Variants in DLST observed in about 807,000 individuals in gnomAD.
The protein encoded by DLST is dihydrolipoamide S-succinyltransferase.
In DLST, 17 loss-of-function variants were observed where a neutral mutation model predicts 53.1. The observed-to-expected ratio is 0.32, with a 90% CI of 0.22 to 0.48. The LOEUF (loss-of-function observed/expected upper bound fraction) is 0.48, where lower values mean the gene tolerates loss of function less well. Among genes scored for constraint, DLST ranks in the 20% least tolerant of loss-of-function variants. The probability of loss-of-function intolerance (pLI) is 0.99; values close to 1 mark genes in which losing one functional copy is unlikely to be tolerated. For synonymous variants in DLST, 206 were observed against 204.8 expected (o/e 1.01, Z -0.05); for missense variants, 512 against 583.9 (o/e 0.88, Z 1.27).
intron 10 of DLST, among the ~76,000 whole-genome samples, chr14:74,896,248 A>C (rs1314316213): frequency 1.3e-5 from 2 of 152,242 alleles, no homozygotes; most frequent in Non-Finnish European, 2.9e-5. Context: ...AGTGTAGACC[A>C]TGAGATGGGA....
intron 10 of DLST, among the ~76,000 whole-genome samples, chr14:74,896,564 G>T (rs183626664): frequency 6.6e-6 from 1 of 152,184 alleles, no homozygotes; most frequent in Non-Finnish European, 1.5e-5. Flanking sequence ...TCAGAGTAGG[G>T]CTCTGTGACC....
At chr14:74,885,815 A>G in intron 3 of DLST, 181 bp downstream of exon 3, 1 of 581,590 alleles carries the variant, frequency 1.7e-6, no homozygotes, top group South Asian at 2.3e-5. Flanking sequence ...CTTGAGCATC[A>G]GCTCCGTGTC....
Position 74,893,440 on chromosome 14 carries a change from C to G in DLST, c.672+16C>G. Reference sequence around the variant, plus strand: ...AGAACATCGGGTAAGCCTCTGAGGACCACTTTCAGGAAAGAGGCAGGGGGC... The same window carrying G: ...AGAACATCGGGTAAGCCTCTGAGGAGCACTTTCAGGAAAGAGGCAGGGGGC... On this transcript the variant is annotated intron_variant, in intron 9 of 14. Coordinates refer to ENST00000334220, the MANE Select transcript of DLST (RefSeq NM_001933.5). 6.2e-7 allele frequency: 1 copy of G among 1,614,106 alleles called. No homozygotes were observed. Among genetic ancestry groups the G allele is most frequent in the Non-Finnish European group, 8.5e-7 (1 of 1,179,978 alleles).
In DLST at chr14:74,898,517, G is replaced by A. The variant is rs199974197; in HGVS notation, c.901+18G>A. 2.5e-6 allele frequency: 4 copies of A among 1,613,340 alleles called. No homozygotes were observed. Among genetic ancestry groups the A allele is most frequent in the Non-Finnish European group, 3.4e-6 (4 of 1,179,528 alleles). On this transcript the variant is annotated intron_variant, in intron 11 of 14. Transcript: ENST00000334220. The stretch of plus-strand genomic sequence containing the variant: ...AAATGCAGGTGAGTTGCTTGTGGCT[G>A]GAATTGGAGAGGTCCTGGGAGGTAG...
chr14:74,882,650 A>G (rs370530147), intron 2 of DLST, 26 bp downstream of exon 2: 1 of 1,612,600 alleles, frequency 6.2e-7, no homozygotes, highest in East Asian at 2.2e-5. Context: ...ACCGTCACCT[A>G]AAATGCTCTC....
In DLST at chr14:74,881,965, A is replaced by T; in HGVS notation, c.12A>T (p.Arg4=). Residue 4 remains arginine, a synonymous_variant, in exon 1 of 15, where the codon CGA becomes CGT. Coordinates refer to ENST00000334220, the MANE Select transcript of DLST (RefSeq NM_001933.5). MLS[R]SRCVSRAFSR... Reference sequence around the variant, plus strand: ...GCTCCTCCGCCGTGATGCTGTCCCGATCCCGCTGTGTGTCTCGGGCGTTCA... The same window carrying T: ...GCTCCTCCGCCGTGATGCTGTCCCGTTCCCGCTGTGTGTCTCGGGCGTTCA... The T allele has an allele frequency of 5.1e-6, 8 of 1,558,770 alleles. No individual in the cohort carries two copies. The highest frequency in any genetic ancestry group is 6.9e-6 in the Non-Finnish European group (8 of 1,160,210).
At chr14:74,882,303 CAG>C (rs1000870141) in intron 1 of DLST, among the ~76,000 whole-genome samples, 2 of 152,164 alleles carry the variant, frequency 1.3e-5, no homozygotes, top group Admixed American at 6.5e-5. Flanking sequence ...ATACTTGACT[CAG>C]AGTTAGGGAG....
chr14:74,882,695 G>A (rs1883568436), intron 2 of DLST, 71 bp downstream of exon 2: 2 of 1,416,500 alleles, frequency 1.4e-6, no homozygotes, highest in Non-Finnish European at 2.0e-6. Flanking sequence ...GAACTCGGGG[G>A]TGCCTGTGTT....
chr14:74,901,247 C>T lies in DLST; in HGVS notation c.1227+14C>T, dbSNP rs1412725846. The T allele has an allele frequency of 6.2e-7, 1 of 1,610,362 alleles. No homozygotes were observed. Among genetic ancestry groups the T allele is most frequent in the Admixed American group, 1.7e-5 (1 of 59,182 alleles). The stretch of plus-strand genomic sequence containing the variant: ...ATAGGAGGCAAGGTAGGAACCGTCA[C>T]TTCTAAGGTCCTAGTGGCTAGGTCT... On this transcript the variant is annotated intron_variant, in intron 14 of 14. Coordinates refer to ENST00000334220, the MANE Select transcript of DLST (RefSeq NM_001933.5).
chr14:74,885,709 A>G, intron 3 of DLST, 75 bp downstream of exon 3: 2 of 1,423,304 alleles, frequency 1.4e-6, no homozygotes, highest in Non-Finnish European at 1.9e-6. Flanking sequence ...AAATTTGACC[A>G]TCTGATTTCT....
chr14:74,887,382 ACT>A (rs961387905), intron 3 of DLST, among the ~76,000 whole-genome samples: 5 of 152,112 alleles, frequency 3.3e-5, no homozygotes, highest in African/African-American at 1.2e-4. Context: ...GGCAATCATG[ACT>A]CTCTACAATA....
chr14:74,890,031 A>G (rs1883848394), intron 6 of DLST, 79 bp downstream of exon 6: 1 of 1,236,292 alleles, frequency 8.1e-7, no homozygotes, highest in African/African-American at 1.5e-5. Flanking sequence ...GGACTTAACC[A>G]TTGTTTAGAG....
intron 1 of DLST, among the ~76,000 whole-genome samples, chr14:74,882,296 C>T (rs1389804669): frequency 3.9e-5 from 6 of 152,154 alleles, no homozygotes; most frequent in Non-Finnish European, 8.8e-5. Context: ...CGTCCAGATA[C>T]TTGACTCAGA....
chr14:74,894,218 C>G, intron 9 of DLST, 94 bp from the exon 10 acceptor site: 1 of 1,464,280 alleles, frequency 6.8e-7, no homozygotes, highest in South Asian at 1.2e-5. Flanking sequence ...CCTTGGCCAT[C>G]TACTCGTGGC....
At chr14:74,897,864 G>C (rs1884118470) in intron 10 of DLST, among the ~76,000 whole-genome samples, 1 of 151,680 alleles carries the variant, frequency 6.6e-6, no homozygotes, top group South Asian at 2.1e-4. Context: ...GTACCCATGA[G>C]CTGTTTATTT....
chr14:74,890,409 C>G (rs188138462), intron 6 of DLST, among the ~76,000 whole-genome samples: 1 of 152,078 alleles, frequency 6.6e-6, no homozygotes, highest in Non-Finnish European at 1.5e-5. Flanking sequence ...TGAGCCACCG[C>G]ACCTGACCTG....
chr14:74,895,926 C>CT (rs1272493397), intron 10 of DLST, among the ~76,000 whole-genome samples: 4 of 152,134 alleles, frequency 2.6e-5, no homozygotes, highest in African/African-American at 9.7e-5. Flanking sequence ...TGGCATGGAC[C>CT]TATAGTCTCA....
Position 74,881,934 on chromosome 14 carries a change from C to G in DLST, c.-20C>G. On this transcript the variant is annotated 5_prime_UTR_variant, in exon 1 of 15. Coordinates refer to ENST00000334220, the MANE Select transcript of DLST (RefSeq NM_001933.5). ...CGGCCCTATATCCGGTGTCCGCCCG[C>G]CCTCGGCTCCTCCGCCGTGATGCTG... is the stretch of plus-strand genomic sequence containing the variant. 1 of 1,533,150 alleles carries G rather than the reference C, an allele frequency of 6.5e-7. No homozygotes were observed. Among genetic ancestry groups the G allele is most frequent in the Non-Finnish European group, 8.7e-7 (1 of 1,146,244 alleles). The allele number at this position is 1,533,150 out of a possible 1,614,324, so 95.0% of individuals were successfully genotyped here.
chr14:74,884,509 G>A (rs1309190409), intron 2 of DLST, among the ~76,000 whole-genome samples: 1 of 152,178 alleles, frequency 6.6e-6, no homozygotes, highest in Non-Finnish European at 1.5e-5. Flanking sequence ...GGGAATAATG[G>A]CAGATGGTCG....
Sources: gnomAD v4.1 joint callset for allele counts (sites outside exome capture counted in the v4.1 genomes callset) on GRCh38, gnomAD v4.1.1 for gene constraint, MANE v1.5 for transcripts, NCBI Gene and HGNC (gene_info 2026-07-23, HGNC 2026-07-21) for gene names.